CYP24A1: variants seen among roughly 807,000 people sequenced by gnomAD.
CYP24A1 encodes cytochrome P450 family 24 subfamily A member 1.
A neutral mutation model predicts 62.4 loss-of-function variants in CYP24A1; 68 were observed. The observed-to-expected ratio is 1.09, with a 90% CI of 0.90 to 1.33. The LOEUF is 1.33. Ranked by LOEUF, CYP24A1 falls within the 40% of genes most tolerant of loss-of-function variation. CYP24A1 has a pLI of 0.00. For missense variants in CYP24A1, 787 were observed against 653.0 expected (o/e 1.21, Z -2.24); for synonymous variants, 267 against 253.0 (o/e 1.06, Z -0.52).
intron 6 of CYP24A1, 106 bp downstream of exon 6, chr20:54,164,346 A>T (rs2092663090): frequency 6.2e-7 from 1 of 1,602,756 alleles, no homozygotes; most frequent in Non-Finnish European, 8.5e-7. Flanking sequence ...TGCAAAACCT[A>T]AATGTGGTGA....
In CYP24A1 at chr20:54,153,711, C is replaced by T. The variant is rs2092617070; in HGVS notation, c.*1061G>A. 1 of 152,540 alleles carries T rather than the reference C, an allele frequency of 6.6e-6. No homozygotes were observed. The highest frequency in any genetic ancestry group is 1.5e-5 in the Non-Finnish European group (1 of 68,016). 9.4% of individuals were successfully genotyped at this position (152,540 alleles called of 1,614,324 possible). Reference sequence around the variant, plus strand: ...TAGGAAAAGCAGTAGTAAAAATATGCACAAATAAACCATCTGTAAACACAA... The same window carrying T: ...TAGGAAAAGCAGTAGTAAAAATATGTACAAATAAACCATCTGTAAACACAA... On this transcript the variant is annotated 3_prime_UTR_variant, in exon 12 of 12. Transcript: ENST00000216862.
chr20:54,144,525 G>T, the CYP24A1 span, among the ~76,000 whole-genome samples: 2 of 151,702 alleles, frequency 1.3e-5, no homozygotes, highest in African/African-American at 4.8e-5. Context: ...AAAGTGCTGA[G>T]ATTACAAGTG....
intron 5 of CYP24A1, among the ~76,000 whole-genome samples, chr20:54,165,116 A>G (rs550822640): frequency 6.6e-6 from 1 of 152,320 alleles, no homozygotes; most frequent in Non-Finnish European, 1.5e-5. Context: ...GGGGTCCCCA[A>G]CCCCCAGGCC....
intron 2 of CYP24A1, among the ~76,000 whole-genome samples, chr20:54,172,237 C>T (rs2092696543): frequency 2.0e-5 from 3 of 152,176 alleles, no homozygotes; most frequent in South Asian, 2.1e-4. Context: ...GCCTGTGAAG[C>T]ACCGTGAATT....
chr20:54,166,773 T>G (rs1369722087), intron 4 of CYP24A1, among the ~76,000 whole-genome samples: 4 of 152,118 alleles, frequency 2.6e-5, no homozygotes, highest in African/African-American at 2.4e-5. Context: ...GGTTCACACC[T>G]GTAATCCCAA....
chr20:54,168,314 C>T (rs2092679772), intron 4 of CYP24A1, among the ~76,000 whole-genome samples: 1 of 152,216 alleles, frequency 6.6e-6, no homozygotes. Context: ...TTGAAGAAAG[C>T]GGTCATGTCC....
intron 3 of CYP24A1, among the ~76,000 whole-genome samples, chr20:54,171,257 A>G (rs951479947): frequency 1.2e-4 from 18 of 152,152 alleles, no homozygotes; most frequent in African/African-American, 4.3e-4. Flanking sequence ...AGGCTTAGGG[A>G]AGGTAAGTGG....
At chr20:54,146,869 G>T in the CYP24A1 span, among the ~76,000 whole-genome samples, 1 of 152,290 alleles carries the variant, frequency 6.6e-6, no homozygotes, top group South Asian at 2.1e-4. Context: ...GCTGATAAAG[G>T]AGGTTCTAGA....
At chr20:54,170,444 G>A (rs1314991280) in intron 3 of CYP24A1, among the ~76,000 whole-genome samples, 1 of 152,140 alleles carries the variant, frequency 6.6e-6, no homozygotes, top group African/African-American at 2.4e-5. Flanking sequence ...GAGCTGATAA[G>A]TTGCCATCCT....
Position 54,157,432 on chromosome 20 carries a change from C to A in CYP24A1, c.1390G>T (p.Gly464Cys), listed in dbSNP as rs750898889. 4 of 1,606,590 alleles carry A rather than the reference C, an allele frequency of 2.5e-6. No homozygotes were observed. Among genetic ancestry groups the A allele is most frequent in the South Asian group, 2.2e-5 (2 of 90,926 alleles). Residue 464 changes from glycine (G) to cysteine (C), a missense_variant, in exon 10 of 12, where the codon GGT becomes TGT. By Grantham distance (159) the Gly-to-Cys change is radical. Coordinates refer to ENST00000216862, the MANE Select transcript of CYP24A1 (RefSeq NM_000782.5). ...PFGVGKRMCI[G>C]RRLAELQLHL... ...AGTTGAAGCTCTGCTAATCGGCGAC[C>A]AATGCACATTCTTTTTCCAACGCCA...
At chr20:54,171,786 C>G (rs2092695064) in intron 2 of CYP24A1, 116 bp from the exon 3 acceptor site, 1 of 1,587,254 alleles carries the variant, frequency 6.3e-7, no homozygotes, top group Non-Finnish European at 8.6e-7. Context: ...GAGAATCATG[C>G]CAAGAAATAG....
intron 4 of CYP24A1, among the ~76,000 whole-genome samples, chr20:54,168,577 C>A (rs2092680618): frequency 6.6e-6 from 1 of 152,206 alleles, no homozygotes; most frequent in Non-Finnish European, 1.5e-5. Flanking sequence ...CACAGGTACC[C>A]TCATGATTTG....
Position 54,157,385 on chromosome 20 carries a change from T to A in CYP24A1, c.1434+3A>T. 2 of 1,574,518 alleles carry A rather than the reference T, an allele frequency of 1.3e-6. No homozygotes were observed. Among genetic ancestry groups the A allele is most frequent in the East Asian group, 2.2e-5 (1 of 44,710 alleles). On this transcript the variant is annotated splice_donor_region_variant and intron_variant, in intron 10 of 11. Coordinates refer to ENST00000216862, the MANE Select transcript of CYP24A1 (RefSeq NM_000782.5). ...TAATTGCAGAAACCGGTAAAGGTTTTACCCAACAAAGAGCCAAATGCAGTT... is the reference window on the plus strand; with the variant it reads ...TAATTGCAGAAACCGGTAAAGGTTTAACCCAACAAAGAGCCAAATGCAGTT...
chr20:54,164,646 A>G, intron 5 of CYP24A1, 83 bp from the exon 6 acceptor site: 1 of 1,609,786 alleles, frequency 6.2e-7, no homozygotes, highest in South Asian at 1.1e-5. Flanking sequence ...AACATTCTAA[A>G]CCGCAGCACC....
At chr20:54,148,369 G>GACACACACACACAC in the CYP24A1 span, among the ~76,000 whole-genome samples, 1,350 of 133,340 alleles carry the variant, frequency 0.01, 33 homozygotes, top group Non-Finnish European at 0.014. Context: ...CAGACACACA[G>GACACACACACACAC]ACACACACAC....
In CYP24A1 at chr20:54,173,494, G is replaced by A; in HGVS notation, c.86C>T (p.Thr29Ile). ...CTGAGGGGACGTGTACGCCGTAGAT[G>A]TCACCAGTCTCGGGGGCTGCCTCGG... ...RSPRQPPRLVTSTAYTSPQPR... is the reference protein window; with the variant it reads ...RSPRQPPRLVISTAYTSPQPR... The change falls in exon 1 of 12, where the codon ACA (threonine) becomes ATA (isoleucine). Residue 29 changes from threonine (T) to isoleucine (I), a missense_variant. Physicochemically the swap from Thr to Ile is moderately conservative, Grantham distance 89. Transcript: ENST00000216862. The surrounding 1 kb of genome is among the most constrained non-coding windows in gnomAD (Gnocchi z 7.2). The A allele has an allele frequency of 6.4e-7, 1 of 1,567,076 alleles. No homozygotes were observed. Among genetic ancestry groups the A allele is most frequent in the Non-Finnish European group, 8.6e-7 (1 of 1,156,184 alleles).
At chr20:54,162,456 C>A in intron 7 of CYP24A1, 1 of 264,278 alleles carries the variant, frequency 3.8e-6, no homozygotes, top group South Asian at 4.3e-5. Context: ...CACATGAAGT[C>A]TCCTCCTACC....
downstream of CYP24A1, among the ~76,000 whole-genome samples, chr20:54,150,822 T>C (rs1364737235): frequency 1.3e-5 from 2 of 152,182 alleles, no homozygotes; most frequent in African/African-American, 2.4e-5. Context: ...GTGCTGAGCA[T>C]AGAGCAGGGA....
the CYP24A1 span, among the ~76,000 whole-genome samples, chr20:54,144,457 G>A: frequency 6.6e-6 from 1 of 151,318 alleles, no homozygotes; most frequent in Non-Finnish European, 1.5e-5. Context: ...GTCTTGCCAT[G>A]TTGCCCAGGG....
Sources: gnomAD v4.1 joint callset for allele counts (sites outside exome capture counted in the v4.1 genomes callset) on GRCh38, gnomAD v4.1.1 for gene constraint, Gnocchi (gnomAD v3.1) non-coding constraint, MANE v1.5 for transcripts, NCBI Gene and HGNC (gene_info 2026-07-23, HGNC 2026-07-21) for gene names.